Variants in ADAMTSL1 observed in about 807,000 individuals in gnomAD.
ADAMTSL1 encodes the protein ADAMTS-like protein 1.
ADAMTSL1 carries 126 observed loss-of-function variants against 201.8 expected under a neutral mutation model. The ratio of observed to expected loss-of-function variants is 0.62; its 90% CI spans 0.54 to 0.72. ADAMTSL1 has a LOEUF of 0.72. Among genes scored for constraint, ADAMTSL1 ranks in the 30% least tolerant of loss-of-function variants. ADAMTSL1 has a pLI of 0.00. For synonymous variants in ADAMTSL1, 1,121 were observed against 903.4 expected (o/e 1.24, Z -4.32); for missense variants, 2,679 against 2,277.8 (o/e 1.18, Z -3.59).
intron 4 of ADAMTSL1, among the ~76,000 whole-genome samples, chr9:18,581,417 C>A (rs181626780): frequency 3.3e-5 from 5 of 152,264 alleles, no homozygotes; most frequent in Non-Finnish European, 5.9e-5. Flanking sequence ...ACAATTCAAC[C>A]CATGACAGCC....
At chr9:18,116,697 T>C (rs949163960) in intron 1 of ADAMTSL1, among the ~76,000 whole-genome samples, 1 of 152,194 alleles carries the variant, frequency 6.6e-6, no homozygotes, top group African/African-American at 2.4e-5. Context: ...TCTTTTTTTA[T>C]GGTTTAAATA....
At chr9:18,613,734 G>A (rs1445360852) in intron 4 of ADAMTSL1, among the ~76,000 whole-genome samples, 1 of 152,130 alleles carries the variant, frequency 6.6e-6, no homozygotes, top group South Asian at 2.1e-4. Flanking sequence ...CTACTTAAGG[G>A]TGAAGGGTGA....
intron 2 of ADAMTSL1, among the ~76,000 whole-genome samples, chr9:18,437,540 C>T (rs76251002): frequency 0.01 from 1,527 of 152,232 alleles, 29 homozygotes; most frequent in African/African-American, 0.034. Context: ...TGTCTACTGA[C>T]CTGCCTTCCT....
chr9:18,378,644 T>A (rs751786626), intron 2 of ADAMTSL1, among the ~76,000 whole-genome samples: 18 of 152,132 alleles, frequency 1.2e-4, no homozygotes, highest in Non-Finnish European at 1.9e-4. Flanking sequence ...CTACCTACCC[T>A]TATCAGCTTT....
intron 2 of ADAMTSL1, among the ~76,000 whole-genome samples, chr9:18,229,378 G>T (rs1300059939): frequency 6.6e-6 from 1 of 152,086 alleles, no homozygotes; most frequent in Non-Finnish European, 1.5e-5. Context: ...ATACCTTAAG[G>T]ACTGTGATGT....
chr9:18,356,886 A>T (rs562364604), intron 2 of ADAMTSL1, among the ~76,000 whole-genome samples: 2 of 152,336 alleles, frequency 1.3e-5, no homozygotes, highest in East Asian at 3.9e-4. Context: ...ACACATGTAG[A>T]CATCTGTGCT....
chr9:18,106,829 G>C (rs973598211), intron 1 of ADAMTSL1, among the ~76,000 whole-genome samples: 11 of 152,254 alleles, frequency 7.2e-5, no homozygotes, highest in African/African-American at 2.6e-4. Context: ...CAGGAAAAAT[G>C]GTCTAAGTTT....
intron 21 of ADAMTSL1, among the ~76,000 whole-genome samples, chr9:18,823,275 C>T (rs1224852270): frequency 6.6e-6 from 1 of 152,180 alleles, no homozygotes. Flanking sequence ...TCCATGGTTC[C>T]AGGTTTACAG....
rs543776534 is a variant in ADAMTSL1, at chr9:18,074,045, G to A, written c.88-89817G>A. The stretch of plus-strand genomic sequence containing the variant: ...AGTAGGCTTGTTTATTCAGTGAACG[G>A]TCTAATTTTGGGTTCATTTCTCATT... On this transcript the variant is annotated intron_variant, in intron 1 of 29. Transcript: ENST00000680146. 1.8e-4 allele frequency among the ~76,000 whole-genome samples: 28 copies of A among 152,172 alleles called. No homozygotes were observed. The East Asian group carries it at 4.2e-3, about 23-fold the overall frequency.
intron 15 of ADAMTSL1, among the ~76,000 whole-genome samples, chr9:18,744,820 T>C (rs1427839039): frequency 6.6e-6 from 1 of 152,244 alleles, no homozygotes; most frequent in African/African-American, 2.4e-5. Flanking sequence ...TTCAGTCTTC[T>C]ATCTTTCATA....
intron 1 of ADAMTSL1, among the ~76,000 whole-genome samples, chr9:17,947,587 A>G (rs1008169234): frequency 1.3e-5 from 2 of 152,266 alleles, no homozygotes; most frequent in East Asian, 1.9e-4. Context: ...TGCAATTGCA[A>G]TATTGTCCGC....
intron 1 of ADAMTSL1, among the ~76,000 whole-genome samples, chr9:17,951,627 CTTT>C (rs60569100): frequency 7.0e-6 from 1 of 143,832 alleles, no homozygotes; most frequent in Non-Finnish European, 1.5e-5. Context: ...AACCATTACT[CTTT>C]TTTTTTTTTC....
intron 1 of ADAMTSL1, among the ~76,000 whole-genome samples, chr9:17,991,223 G>C (rs1563937307): frequency 6.6e-6 from 1 of 152,146 alleles, no homozygotes; most frequent in African/African-American, 2.4e-5. Flanking sequence ...AGAAGGATCA[G>C]TGTCTTCCCA....
At chr9:18,670,144 A>G (rs1208052008) in intron 9 of ADAMTSL1, among the ~76,000 whole-genome samples, 1 of 152,142 alleles carries the variant, frequency 6.6e-6, no homozygotes, top group Non-Finnish European at 1.5e-5. Flanking sequence ...ACTACACACA[A>G]TTTTGTTCAT....
chr9:18,377,176 G>A (rs540875297), intron 2 of ADAMTSL1, among the ~76,000 whole-genome samples: 3 of 152,282 alleles, frequency 2.0e-5, no homozygotes, highest in South Asian at 4.1e-4. Context: ...AAGCCCTCTC[G>A]CGTCATTTAC....
At chr9:18,066,800 T>C (rs902899138) in intron 1 of ADAMTSL1, among the ~76,000 whole-genome samples, 2 of 152,194 alleles carry the variant, frequency 1.3e-5, no homozygotes, top group African/African-American at 2.4e-5. Flanking sequence ...TGGAATACTA[T>C]GCAGCCATAA....
At chr9:18,568,213 A>C (rs1822063519) in intron 3 of ADAMTSL1, among the ~76,000 whole-genome samples, 2 of 151,970 alleles carry the variant, frequency 1.3e-5, no homozygotes, top group Admixed American at 1.3e-4. Flanking sequence ...TTTTTTTCCG[A>C]GAACAAAATA....
rs139082022 is a variant in ADAMTSL1 at position 18,609,837 on chromosome 9, A to G, written c.475-12406A>G. ...GGTCAGAGTTGTTATGTGCTAGGCA[A>G]TGAACTGGATCTTTTTATATAAGCT... On this transcript the variant is annotated intron_variant, in intron 4 of 28. Transcript: ENST00000380548. Among the ~76,000 whole-genome samples, 101 of 152,312 alleles carry G rather than the reference A, an allele frequency of 6.6e-4. 1 individual carries two copies. The highest frequency in any genetic ancestry group is 2.3e-3 in the African/African-American group (97 of 41,572).
At chr9:18,792,855 A>G (rs183246448) in intron 19 of ADAMTSL1, among the ~76,000 whole-genome samples, 140 of 152,354 alleles carry the variant, frequency 9.2e-4, no homozygotes, top group Non-Finnish European at 1.7e-3. Context: ...AGTAAATTGT[A>G]TAGTCATCTT....
Sources: allele counts gnomAD v4.1 joint callset (sites outside exome capture counted in the v4.1 genomes callset), GRCh38; gene constraint gnomAD v4.1.1; transcripts MANE v1.5; gene names NCBI Gene and HGNC (gene_info 2026-07-23, HGNC 2026-07-21).